ITPR1: variants seen among roughly 807,000 people sequenced by gnomAD.
ITPR1 encodes the protein inositol 1,4,5-trisphosphate-gated calcium channel ITPR1.
Under a neutral mutation model 318.4 loss-of-function variants are expected in ITPR1, and 96 were observed. That is an observed-to-expected ratio of 0.30 (90% confidence interval 0.26 to 0.36). The LOEUF is 0.36. ITPR1 is among the 10% of genes least tolerant of loss of function. The pLI, the probability that ITPR1 is intolerant of heterozygous loss-of-function variation, is 1.00. For missense variants in ITPR1, 2,440 were observed against 3,460.2 expected, an observed-to-expected ratio of 0.71 and a Z score of 7.40; for synonymous variants, 1,312 against 1,289.9, an observed-to-expected ratio of 1.02 and a Z score of -0.37.
At chr3:4,707,233 T>C (rs1435367935) in intron 37 of ITPR1, among the ~76,000 whole-genome samples, 1 of 152,250 alleles carries the variant, frequency 6.6e-6, no homozygotes, top group East Asian at 1.9e-4. Flanking sequence ...AATTACCTTA[T>C]TCTCTTTTGC....
At chr3:4,776,727 G>C (rs2046510080) in intron 47 of ITPR1, among the ~76,000 whole-genome samples, 1 of 152,208 alleles carries the variant, frequency 6.6e-6, no homozygotes, top group Admixed American at 6.5e-5. Flanking sequence ...ATTACCTCAA[G>C]TTTGCTTCTC....
intron 39 of ITPR1, among the ~76,000 whole-genome samples, chr3:4,713,074 A>C (rs985231366): frequency 5.3e-5 from 8 of 152,164 alleles, no homozygotes; most frequent in African/African-American, 1.9e-4. Context: ...TCTTAAAAAC[A>C]AGAAAAGAAA....
At chr3:4,721,242 A>G (rs988373782) in intron 40 of ITPR1, among the ~76,000 whole-genome samples, 1 of 147,664 alleles carries the variant, frequency 6.8e-6, no homozygotes, top group Non-Finnish European at 1.5e-5. Context: ...CTGAAGTTGT[A>G]TAATTTGGTC....
chr3:4,765,712 T>G (rs1250620310), intron 44 of ITPR1, among the ~76,000 whole-genome samples: 1 of 152,180 alleles, frequency 6.6e-6, no homozygotes, highest in African/African-American at 2.4e-5. Context: ...TGTAAATAAT[T>G]TACAACAGCG....
intron 6 of ITPR1, among the ~76,000 whole-genome samples, chr3:4,640,869 G>A (rs76659580): frequency 1.3e-5 from 2 of 152,310 alleles, no homozygotes; most frequent in East Asian, 3.9e-4. Context: ...AACAAACTGA[G>A]TCTGGCACCT....
At chr3:4,833,201 C>T (rs926092486) in intron 60 of ITPR1, among the ~76,000 whole-genome samples, 1 of 152,174 alleles carries the variant, frequency 6.6e-6, no homozygotes, top group African/African-American at 2.4e-5. Context: ...AAATCATTGC[C>T]TAGAGGGCCA....
intron 51 of ITPR1, among the ~76,000 whole-genome samples, chr3:4,784,259 C>T (rs934671259): frequency 5.9e-5 from 9 of 152,012 alleles, no homozygotes; most frequent in African/African-American, 2.4e-5. Flanking sequence ...GAACCCAGAC[C>T]GTAAAGAACA....
At chr3:4,767,849 C>T (rs1323896920) in intron 45 of ITPR1, among the ~76,000 whole-genome samples, 1 of 152,166 alleles carries the variant, frequency 6.6e-6, no homozygotes, top group Non-Finnish European at 1.5e-5. Context: ...ATTTCAGACT[C>T]ATGTCACCAC....
At chr3:4,601,782 A>G (rs1382144984) in intron 4 of ITPR1, among the ~76,000 whole-genome samples, 25 of 152,366 alleles carry the variant, frequency 1.6e-4, no homozygotes, top group Non-Finnish European at 5.9e-5. Flanking sequence ...AAAAGTAGAC[A>G]ATACTTTCAA....
intron 4 of ITPR1, among the ~76,000 whole-genome samples, chr3:4,555,988 G>A (rs114434943): frequency 2.0e-5 from 3 of 152,276 alleles, no homozygotes; most frequent in East Asian, 1.9e-4. Flanking sequence ...ACACTGCGTC[G>A]TGCTGTGTTT....
chr3:4,553,090 G>T (rs1224345962), intron 4 of ITPR1, among the ~76,000 whole-genome samples: 1 of 152,146 alleles, frequency 6.6e-6, no homozygotes, highest in East Asian at 1.9e-4. Flanking sequence ...GCACTATAAA[G>T]AATAGATGAG....
At chr3:4,612,418 G>C (rs1324403494) in intron 4 of ITPR1, among the ~76,000 whole-genome samples, 1 of 152,024 alleles carries the variant, frequency 6.6e-6, no homozygotes, top group African/African-American at 2.4e-5. Context: ...GGTGTCCTGG[G>C]CCCAATCCCC....
At chr3:4,827,212 G>A (rs925488114) in intron 60 of ITPR1, among the ~76,000 whole-genome samples, 28 of 152,150 alleles carry the variant, frequency 1.8e-4, no homozygotes, top group African/African-American at 6.5e-4. Context: ...CACCACCACC[G>A]TGCTGCCCGG....
chr3:4,661,978 C>T (rs2093844413), intron 14 of ITPR1, 104 bp from the exon 15 acceptor site: 1 of 937,398 alleles, frequency 1.1e-6, no homozygotes, highest in South Asian at 1.8e-5. Context: ...CAAGATAGCT[C>T]TAGTATCTTG....
chr3:4,637,722 T>G (rs2093232370), intron 5 of ITPR1, among the ~76,000 whole-genome samples: 1 of 151,882 alleles, frequency 6.6e-6, no homozygotes, highest in Non-Finnish European at 1.5e-5. Flanking sequence ...TCCTGTAATA[T>G]GGTTTCATTT....
At chr3:4,516,433 ATTTCT>A (rs2082175137) in intron 2 of ITPR1, 38 bp from the exon 3 acceptor site, 7 of 1,088,258 alleles carry the variant, frequency 6.4e-6, no homozygotes, top group African/African-American at 1.6e-5. Flanking sequence ...CCTTCTGAAC[ATTTCT>A]TTTCTTCTAA....
At chr3:4,636,502 C>T (rs900921569) in intron 5 of ITPR1, among the ~76,000 whole-genome samples, 2 of 152,218 alleles carry the variant, frequency 1.3e-5, no homozygotes, top group African/African-American at 4.8e-5. Flanking sequence ...TATCTCAGCT[C>T]TTTGCAACCT....
Position 4,742,848 on chromosome 3 carries a change from A to G in ITPR1, c.5544+7494A>G, listed in dbSNP as rs1027429049. On this transcript the variant is annotated intron_variant, in intron 44 of 61. Transcript: ENST00000649015. ...TAAAATCCTACTTCTGATATTTTCT[A>G]TTTTTGCATAGTGGTTTATCATCCA... is the stretch of plus-strand genomic sequence containing the variant. Among the ~76,000 whole-genome samples, 6 of 151,990 alleles carry G rather than the reference A, an allele frequency of 3.9e-5. No individual in the cohort carries two copies. In the East Asian group the frequency reaches 1.2e-3, roughly 29 times the overall value.
In ITPR1 at chr3:4,604,591, G is replaced by C. The variant is rs549293547; in HGVS notation, c.164-23172G>C. Among the ~76,000 whole-genome samples, 98 of 152,228 alleles carry C rather than the reference G, an allele frequency of 6.4e-4. 1 individual carries two copies. The highest frequency in any genetic ancestry group is 2.3e-3 in the African/African-American group (97 of 41,554). ...ATTTCAGCTAATTTGGCATCAGTTT[G>C]CCTGAGAAAGGAATTCATGACTCTT... On this transcript the variant is annotated intron_variant, in intron 4 of 61. Transcript: ENST00000649015.
Sources: allele counts gnomAD v4.1 joint callset (sites outside exome capture counted in the v4.1 genomes callset), GRCh38; gene constraint gnomAD v4.1.1; transcripts MANE v1.5; gene names NCBI Gene and HGNC (gene_info 2026-07-23, HGNC 2026-07-21).